AP3B1: variants seen among roughly 807,000 people sequenced by gnomAD.
The protein encoded by AP3B1 is AP-3 complex subunit beta-1.
AP3B1 carries 61 observed loss-of-function variants against 132.5 expected under a neutral mutation model. That is an observed-to-expected ratio of 0.46 (90% confidence interval 0.37 to 0.57). The LOEUF is 0.57. Among genes scored for constraint, AP3B1 ranks in the 20% least tolerant of loss-of-function variants. The pLI is 0.00. For missense variants in AP3B1, 1,120 were observed against 1,289.4 expected (o/e 0.87, Z 2.01); for synonymous variants, 388 against 438.3 (o/e 0.89, Z 1.43).
chr5:78,134,512 T>C (rs1171155326), intron 15 of AP3B1, among the ~76,000 whole-genome samples: 1 of 152,154 alleles, frequency 6.6e-6, no homozygotes, highest in Non-Finnish European at 1.5e-5. Flanking sequence ...ACCTAAGCAG[T>C]ACCGTTGTTC....
chr5:78,057,093 G>A lies in AP3B1; in HGVS notation c.2578-17819C>T, dbSNP rs1294423941. 6.6e-5 allele frequency among the ~76,000 whole-genome samples: 10 copies of A among 152,102 alleles called. No homozygotes were observed. The South Asian group carries it at 1.9e-3, about 28-fold the overall frequency. On this transcript the variant is annotated intron_variant, in intron 22 of 26. Coordinates refer to ENST00000255194, the MANE Select transcript of AP3B1 (RefSeq NM_003664.5). ...TACTTTTTGTTTGTTTTCCTTAGGA[G>A]TTTACTGAAAAAGACACCATGCCAA... is the stretch of plus-strand genomic sequence containing the variant.
At chr5:78,227,243 C>G in intron 5 of AP3B1, 129 bp downstream of exon 5, 1 of 903,998 alleles carries the variant, frequency 1.1e-6, no homozygotes, top group Non-Finnish European at 1.7e-6. Context: ...GAAATACCAT[C>G]ATACAGTCAC....
intron 2 of AP3B1, among the ~76,000 whole-genome samples, chr5:78,261,759 T>G (rs1748104221): frequency 7.3e-6 from 1 of 136,352 alleles, no homozygotes; most frequent in Non-Finnish European, 1.6e-5. Context: ...AGCCACCGGT[T>G]GTTGTTTTTT....
At chr5:78,202,830 C>A (rs1022024179) in intron 7 of AP3B1, among the ~76,000 whole-genome samples, 10 of 152,052 alleles carry the variant, frequency 6.6e-5, no homozygotes, top group Non-Finnish European at 1.5e-4. Flanking sequence ...GGAAAATAAT[C>A]ATAAACAAAT....
intron 6 of AP3B1, chr5:78,222,063 G>C (rs1405785617): frequency 1.3e-5 from 2 of 151,926 alleles, no homozygotes; most frequent in South Asian, 4.1e-4. Flanking sequence ...AGAGAAATTA[G>C]AGTTCTAGGA....
intron 5 of AP3B1, among the ~76,000 whole-genome samples, chr5:78,226,673 A>T (rs1746411178): frequency 6.6e-6 from 1 of 152,106 alleles, no homozygotes; most frequent in Middle Eastern, 3.2e-3. Flanking sequence ...ATCTAAATAC[A>T]CATAGCACAA....
At chr5:78,163,640 C>CAT (rs200184761) in intron 12 of AP3B1, among the ~76,000 whole-genome samples, 3,890 of 142,440 alleles carry the variant, frequency 0.027, 193 homozygotes, top group African/African-American at 0.093. Context: ...ATATAGTATA[C>CAT]ATATATATAT....
At chr5:78,134,881 T>G (rs1752846070) in intron 15 of AP3B1, among the ~76,000 whole-genome samples, 1 of 152,208 alleles carries the variant, frequency 6.6e-6, no homozygotes, top group South Asian at 2.1e-4. Flanking sequence ...ACAGGATTCT[T>G]TATGTGACTT....
rs142127108 is a variant in AP3B1 at position 78,086,963 on chromosome 5, C to T, written c.2577+2430G>A. ...TGTCACTGATGGAAATACCACAACCCGTAGCATTTGCGTTGCCGAATAACA... is the reference window on the plus strand; with the variant it reads ...TGTCACTGATGGAAATACCACAACCTGTAGCATTTGCGTTGCCGAATAACA... On this transcript the variant is annotated intron_variant, in intron 22 of 26. Transcript: ENST00000255194. 2.0e-4 allele frequency among the ~76,000 whole-genome samples: 31 copies of T among 152,220 alleles called. No homozygotes were observed. The East Asian group carries it at 5.2e-3, about 26-fold the overall frequency.
chr5:78,035,818 C>G (rs141493722), intron 23 of AP3B1, among the ~76,000 whole-genome samples: 198 of 152,202 alleles, frequency 1.3e-3, no homozygotes, highest in East Asian at 7.1e-3. Context: ...CTCTAGCAAA[C>G]AGGCTTTACT....
chr5:78,283,196 G>T (rs1297301139), intron 1 of AP3B1, among the ~76,000 whole-genome samples: 1 of 151,992 alleles, frequency 6.6e-6, no homozygotes, highest in African/African-American at 2.4e-5. Flanking sequence ...AAAACCAAGG[G>T]CAGAGAGTTG....
At chr5:78,258,877 T>C (rs956034502) in intron 2 of AP3B1, among the ~76,000 whole-genome samples, 3 of 152,038 alleles carry the variant, frequency 2.0e-5, no homozygotes, top group African/African-American at 7.2e-5. Context: ...AACAATGGGA[T>C]CCAGTCATTT....
chr5:78,064,303 C>A (rs1749185973), intron 22 of AP3B1, among the ~76,000 whole-genome samples: 1 of 151,980 alleles, frequency 6.6e-6, no homozygotes, highest in Admixed American at 6.6e-5. Flanking sequence ...CAATTTAATT[C>A]ATTCATTAAA....
chr5:78,220,011 A>G (rs1299343732), intron 6 of AP3B1, among the ~76,000 whole-genome samples: 1 of 152,122 alleles, frequency 6.6e-6, no homozygotes, highest in Non-Finnish European at 1.5e-5. Flanking sequence ...TTTTTAAATG[A>G]AAGTGATTTT....
chr5:78,134,198 A>T (rs1340128715), intron 15 of AP3B1, among the ~76,000 whole-genome samples: 1 of 151,392 alleles, frequency 6.6e-6, no homozygotes, highest in African/African-American at 2.4e-5. Context: ...TTCTCAAAAT[A>T]CTCTGACAAT....
chr5:78,084,214 A>G (rs952853121), intron 22 of AP3B1, among the ~76,000 whole-genome samples: 1 of 152,156 alleles, frequency 6.6e-6, no homozygotes, highest in Non-Finnish European at 1.5e-5. Context: ...AGAAAGACAG[A>G]TATCAGATGG....
intron 3 of AP3B1, among the ~76,000 whole-genome samples, chr5:78,234,392 A>C (rs1168238505): frequency 6.6e-6 from 1 of 152,160 alleles, no homozygotes; most frequent in African/African-American, 2.4e-5. Context: ...TTTAAGTGTA[A>C]ATATAAGTTT....
intron 8 of AP3B1, among the ~76,000 whole-genome samples, chr5:78,179,729 T>C (rs943743369): frequency 1.3e-5 from 2 of 152,134 alleles, no homozygotes; most frequent in Non-Finnish European, 2.9e-5. Context: ...CAATGATGTA[T>C]TATGTTTCCT....
At chr5:78,007,466 C>T (rs1242226062) in intron 26 of AP3B1, among the ~76,000 whole-genome samples, 1 of 151,960 alleles carries the variant, frequency 6.6e-6, no homozygotes, top group African/African-American at 2.4e-5. Flanking sequence ...TACATGAAGC[C>T]TTCAATTACT....
Sources: gnomAD v4.1 joint callset for allele counts (sites outside exome capture counted in the v4.1 genomes callset) on GRCh38, gnomAD v4.1.1 for gene constraint, MANE v1.5 for transcripts, NCBI Gene and HGNC (gene_info 2026-07-23, HGNC 2026-07-21) for gene names.